TGIF1: variants seen among roughly 807,000 people sequenced by gnomAD.
TGIF1 encodes homeobox protein TGIF1.
Under a neutral mutation model 19.3 loss-of-function variants are expected in TGIF1, and 4 were observed. The ratio of observed to expected loss-of-function variants is 0.21; its 90% CI spans 0.10 to 0.47. The LOEUF is 0.47. TGIF1 is among the 20% of genes least tolerant of loss of function. The pLI, the probability that TGIF1 is intolerant of heterozygous loss-of-function variation, is 0.98. For missense variants in TGIF1, 275 were observed against 341.4 expected (o/e 0.81, Z 1.53); for synonymous variants, 122 against 129.3 (o/e 0.94, Z 0.38).
upstream of TGIF1, chr18:3,450,086 G>C (rs1346104213): frequency 9.5e-7 from 1 of 1,048,266 alleles, no homozygotes; most frequent in Non-Finnish European, 1.2e-6. Context: ...GGGGAGGGGC[G>C]GAGGAGCGGC....
chr18:3,438,724 T>C (rs893294443), intron 2 of TGIF1, among the ~76,000 whole-genome samples: 1 of 152,102 alleles, frequency 6.6e-6, no homozygotes. Context: ...AGTGAGATAC[T>C]GATTTGGTGA....
chr18:3,449,234 C>G (rs2082820238), upstream of TGIF1, among the ~76,000 whole-genome samples: 1 of 152,110 alleles, frequency 6.6e-6, no homozygotes, highest in Non-Finnish European at 1.5e-5. Context: ...GAGGGATCCC[C>G]TAGCAGGGTT....
chr18:3,444,059 C>T (rs1277966546), intron 2 of TGIF1, among the ~76,000 whole-genome samples: 3 of 151,592 alleles, frequency 2.0e-5, no homozygotes, highest in African/African-American at 7.3e-5. Flanking sequence ...CTCAGCCTAC[C>T]GAGCAGCTGG....
chr18:3,441,197 T>C (rs1278889972), intron 2 of TGIF1, among the ~76,000 whole-genome samples: 2 of 152,252 alleles, frequency 1.3e-5, no homozygotes, highest in Admixed American at 6.5e-5. Flanking sequence ...ATTGGGCTTA[T>C]GCCTGAATGT....
upstream of TGIF1, chr18:3,449,790 C>G: frequency 1.0e-6 from 1 of 985,552 alleles, no homozygotes; most frequent in Non-Finnish European, 1.2e-6. Flanking sequence ...GCTTTTCTTC[C>G]CGGGGGTGGA....
At chr18:3,449,684 TC>T, upstream of TGIF1, 1 of 985,350 alleles carries the variant, frequency 1.0e-6, no homozygotes, top group Non-Finnish European at 1.2e-6. Context: ...ATACTTTTCC[TC>T]CCGTGCCCCG....
rs34622075 is a variant in TGIF1, at chr18:3,458,204, A to ATT, written c.*273_*274dup. On this transcript the variant is annotated 3_prime_UTR_variant, in exon 3 of 3. Transcript: ENST00000343820. ...GTGAGATGGTTCCCAATATCATGTG[A>ATT]TTTTTTTTTTCCTCCCCTTCCCTTT... 5.9e-5 allele frequency: 24 copies of ATT among 405,276 alleles called. No individual in the cohort carries two copies. The highest frequency in any genetic ancestry group is 1.9e-4 in the East Asian group (4 of 20,698). The allele number at this position is 405,276 out of a possible 1,614,324, so 25.1% of individuals were successfully genotyped here. A position where few individuals can be genotyped will look rare whatever the true frequency, so the allele number is the denominator to read the frequency against.
Position 3,458,980 on chromosome 18 carries a change from G to T in TGIF1, c.*1040G>T, listed in dbSNP as rs1437618274. On this transcript the variant is annotated 3_prime_UTR_variant, in exon 3 of 3. Transcript: ENST00000343820. ...TATGGTGGGATTGTCAGTTTATTAG[G>T]TGAGTATTTTCCAAGGTCTCAGTTT... The T allele has an allele frequency of 6.6e-6, 1 of 152,192 alleles. No individual in the cohort carries two copies. Among genetic ancestry groups the T allele is most frequent in the Non-Finnish European group, 1.5e-5 (1 of 68,026 alleles). The allele number at this position is 152,192 out of a possible 1,614,324, so 9.4% of individuals were successfully genotyped here. A position where few individuals can be genotyped will look rare whatever the true frequency, so the allele number is the denominator to read the frequency against.
At chr18:3,418,322 G>A (rs1484929406) in intron 2 of TGIF1, 2 of 152,158 alleles carry the variant, frequency 1.3e-5, no homozygotes, top group Non-Finnish European at 1.5e-5. Flanking sequence ...AAGAAGGCAG[G>A]CTGCGATCTA....
At chr18:3,450,714 G>C (rs1040284734) in intron 1 of TGIF1, among the ~76,000 whole-genome samples, 3 of 152,224 alleles carry the variant, frequency 2.0e-5, no homozygotes, top group African/African-American at 7.2e-5. Flanking sequence ...TGTGGGGCGA[G>C]CCTCTCCACG....
intron 1 of TGIF1, chr18:3,455,097 A>G (rs1323451637): frequency 6.6e-6 from 1 of 152,152 alleles, no homozygotes; most frequent in Non-Finnish European, 1.5e-5. Context: ...TTACCTTTAC[A>G]TTTTTGTTAT....
At chr18:3,452,290 C>T (rs781655696) in intron 1 of TGIF1, 6 of 1,611,618 alleles carry the variant, frequency 3.7e-6, no homozygotes, top group Non-Finnish European at 4.2e-6. Flanking sequence ...AAGGCTGGGC[C>T]CCGCCGGCCG....
Position 3,456,315 on chromosome 18 carries a change from T to TG in TGIF1, c.17-39_17-38insG, listed in dbSNP as rs2049352663. On this transcript the variant is annotated intron_variant, in intron 1 of 2. Coordinates refer to ENST00000343820, the MANE Select transcript of TGIF1 (RefSeq NM_003244.4). The surrounding 1 kb of genome is among the most constrained non-coding windows in gnomAD (Gnocchi z 4.2). The stretch of plus-strand genomic sequence containing the variant: ...GTGAGCTTTGCAATAGTTGCTGTGC[T>TG]TATAAAGCAACTGACAACTGGCCCT... 1.9e-6 allele frequency: 3 copies of TG among 1,580,034 alleles called. No individual in the cohort carries two copies. The East Asian group carries it at 6.7e-5, about 35-fold the overall frequency.
At chr18:3,425,121 G>A (rs891394332) in intron 2 of TGIF1, among the ~76,000 whole-genome samples, 1 of 152,212 alleles carries the variant, frequency 6.6e-6, no homozygotes, top group Non-Finnish European at 1.5e-5. Flanking sequence ...CAACCCGTGA[G>A]GTTTGATGCT....
intron 2 of TGIF1, among the ~76,000 whole-genome samples, chr18:3,430,655 C>A (rs2082534965): frequency 1.3e-5 from 2 of 151,702 alleles, no homozygotes; most frequent in South Asian, 4.2e-4. Flanking sequence ...CAGGCCCATG[C>A]CACCACACCC....
intron 2 of TGIF1, among the ~76,000 whole-genome samples, chr18:3,419,757 G>A (rs1195503400): frequency 6.6e-6 from 1 of 152,238 alleles, no homozygotes; most frequent in African/African-American, 2.4e-5. Context: ...TGTAATCCCA[G>A]CACTGTGGGA....
upstream of TGIF1, among the ~76,000 whole-genome samples, chr18:3,445,854 A>G (rs1286625767): frequency 1.4e-5 from 2 of 145,204 alleles, no homozygotes; most frequent in Non-Finnish European, 3.0e-5. Context: ...AACCCCCCAC[A>G]GTGTTCAGGA....
intron 1 of TGIF1, among the ~76,000 whole-genome samples, chr18:3,417,808 G>A (rs1227959985): frequency 6.6e-6 from 1 of 151,984 alleles, no homozygotes; most frequent in Non-Finnish European, 1.5e-5. Context: ...ATAGTAAAAC[G>A]GTTATTCTGG....
Position 3,459,817 on chromosome 18 carries a change from G to A in TGIF1, c.*1877G>A, listed in dbSNP as rs1365130013. 1 of 152,166 alleles carries A rather than the reference G, an allele frequency of 6.6e-6. No homozygotes were observed. The highest frequency in any genetic ancestry group is 2.4e-5 in the African/African-American group (1 of 41,422). The allele number at this position is 152,166 out of a possible 1,614,324, so 9.4% of individuals were successfully genotyped here. On this transcript the variant is annotated 3_prime_UTR_variant, in exon 3 of 3. Coordinates refer to ENST00000343820, the MANE Select transcript of TGIF1 (RefSeq NM_003244.4). Reference sequence around the variant, plus strand: ...ATTGAGGTTGTTACAGGTCATGGTTGATAATAGTTGGTGTTGAATGAATGT... The same window carrying A: ...ATTGAGGTTGTTACAGGTCATGGTTAATAATAGTTGGTGTTGAATGAATGT...
Sources: allele counts gnomAD v4.1 joint callset (sites outside exome capture counted in the v4.1 genomes callset), GRCh38; gene constraint gnomAD v4.1.1; non-coding constraint Gnocchi (gnomAD v3.1); transcripts MANE v1.5; gene names NCBI Gene and HGNC (gene_info 2026-07-23, HGNC 2026-07-21).